SLC1A2: variants seen among roughly 807,000 people sequenced by gnomAD.
SLC1A2 encodes the protein solute carrier family 1 member 2, also known as excitatory amino acid transporter 2.
A neutral mutation model predicts 48.8 loss-of-function variants in SLC1A2; 15 were observed. The observed-to-expected ratio is 0.31, with a 90% confidence interval of 0.21 to 0.47. The LOEUF (loss-of-function observed/expected upper bound fraction) is 0.47. SLC1A2 is among the 20% of genes least tolerant of loss of function. The probability of loss-of-function intolerance (pLI) is 0.99; values close to 1 mark genes in which losing one functional copy is unlikely to be tolerated. For synonymous variants in SLC1A2, 279 were observed against 272.6 expected, an observed-to-expected ratio of 1.02 and a Z score of -0.23; for missense variants, 502 against 730.5, an observed-to-expected ratio of 0.69 and a Z score of 3.61.
At chr11:35,389,796 A>G (rs149291519) in intron 1 of SLC1A2, among the ~76,000 whole-genome samples, 1 of 151,882 alleles carries the variant, frequency 6.6e-6, no homozygotes, top group Non-Finnish European at 1.5e-5. Context: ...ATTTTCTTGT[A>G]GACACCAGGT....
chr11:35,356,308 G>T (rs1044108502), intron 1 of SLC1A2, among the ~76,000 whole-genome samples: 1 of 152,176 alleles, frequency 6.6e-6, no homozygotes, highest in African/African-American at 2.4e-5. Flanking sequence ...TTATGGGCAG[G>T]TGTGTGTTTG....
chr11:35,256,044 G>C lies in SLC1A2; in HGVS notation c.*4850C>G, dbSNP rs746274586. 4 of 152,180 alleles carry C rather than the reference G, an allele frequency of 2.6e-5. No homozygotes were observed. The highest frequency in any genetic ancestry group is 5.9e-5 in the Non-Finnish European group (4 of 68,040). 9.4% of individuals were successfully genotyped at this position (152,180 alleles called of 1,614,324 possible). On this transcript the variant is annotated 3_prime_UTR_variant, in exon 11 of 11. Transcript: ENST00000278379. ...CAAAGCAGAGATCATAATACATTGG[G>C]CTCATAGGGCTGGAAGGGGATTTTA...
chr11:35,278,876 G>A (rs1226825833), intron 9 of SLC1A2, among the ~76,000 whole-genome samples: 1 of 151,976 alleles, frequency 6.6e-6, no homozygotes, highest in African/African-American at 2.4e-5. Flanking sequence ...AAAATTAGCC[G>A]GGTGTGGTGG....
At chr11:35,343,805 G>T (rs11033083) in intron 1 of SLC1A2, among the ~76,000 whole-genome samples, 15 of 151,448 alleles carry the variant, frequency 9.9e-5, no homozygotes, top group South Asian at 2.1e-4. Flanking sequence ...CACACACAGA[G>T]GCACACACAC....
At chr11:35,356,312 G>A (rs1853459785) in intron 1 of SLC1A2, among the ~76,000 whole-genome samples, 1 of 152,180 alleles carries the variant, frequency 6.6e-6, no homozygotes, top group South Asian at 2.1e-4. Flanking sequence ...GGGCAGGTGT[G>A]TGTTTGTTCT....
chr11:35,260,914 G>A lies in SLC1A2; in HGVS notation c.1705C>T (p.Pro569Ser), dbSNP rs1950384151. 2 of 1,613,264 alleles carry A rather than the reference G, an allele frequency of 1.2e-6. 1 individual carries two copies. The highest frequency in any genetic ancestry group is 2.2e-5 in the South Asian group (2 of 91,064). Residue 569 changes from proline (P) to serine (S), a missense_variant, in exon 11 of 11, where the codon CCT (proline) becomes TCT (serine). This residue lies in a region of SLC1A2 where 102 missense variants were observed against 107.2 expected (regional missense o/e 0.95). Coordinates refer to ENST00000278379, the MANE Select transcript of SLC1A2 (RefSeq NM_004171.4). ...KSADCSVEEEPWKREK is the reference protein window; with the variant it reads ...KSADCSVEEESWKREK ...TATCCTTATTTCTCACGTTTCCAAG[G>A]TTCTTCCTCAACACTGCAGTCGGCT...
At chr11:35,275,268 G>T (rs1043886354) in intron 9 of SLC1A2, among the ~76,000 whole-genome samples, 1 of 152,214 alleles carries the variant, frequency 6.6e-6, no homozygotes, top group African/African-American at 2.4e-5. Context: ...GCCCAGAAAA[G>T]ATCTCACTAG....
At chr11:35,313,949 C>T (rs1190530529) in intron 3 of SLC1A2, among the ~76,000 whole-genome samples, 1 of 152,200 alleles carries the variant, frequency 6.6e-6, no homozygotes, top group Non-Finnish European at 1.5e-5. Context: ...GGAACAACTT[C>T]TCCAGATCAC....
intron 1 of SLC1A2, among the ~76,000 whole-genome samples, chr11:35,354,319 G>T (rs752890626): frequency 4.6e-5 from 7 of 151,974 alleles, no homozygotes; most frequent in African/African-American, 9.7e-5. Context: ...AATTAGCCAG[G>T]CATGATGGTG....
chr11:35,333,824 CTAATTTTT>C (rs1852514885), intron 1 of SLC1A2, among the ~76,000 whole-genome samples: 1 of 121,406 alleles, frequency 8.2e-6, no homozygotes, highest in Non-Finnish European at 1.7e-5. Flanking sequence ...ACCATGCCAG[CTAATTTTT>C]TTTTTTTTTT....
intron 6 of SLC1A2, among the ~76,000 whole-genome samples, chr11:35,294,090 A>T (rs535798558): frequency 6.6e-6 from 1 of 152,302 alleles, no homozygotes; most frequent in East Asian, 1.9e-4. Context: ...CTGTTTTCAC[A>T]CATGTACCCC....
rs114953578 is a variant in SLC1A2, at chr11:35,300,620, G to A, written c.857+899C>T. Among the ~76,000 whole-genome samples, 1,327 of 152,338 alleles carry A rather than the reference G, an allele frequency of 8.7e-3. 8 individuals are homozygous for A. The highest frequency in any genetic ancestry group is 0.031 in the African/African-American group (1,269 of 41,578). On this transcript the variant is annotated intron_variant, in intron 6 of 10. Transcript: ENST00000278379. ...GACTTGCCAGCCTCCAGAAGGGTGA[G>A]CAATAAATTCCTATTGTTTATAAAT...
rs116776036 is a variant in SLC1A2 at position 35,306,257 on chromosome 11, G to A, written c.562-15C>T. On this transcript the variant is annotated splice_polypyrimidine_tract_variant and intron_variant, in intron 4 of 10. Coordinates refer to ENST00000278379, the MANE Select transcript of SLC1A2 (RefSeq NM_004171.4). ...ACTGTTTGAATCTAACAGAGTGAGG[G>A]AAAAAAGGCATAGAGCTGAGATTTG... 2,233 of 1,594,820 alleles carry A rather than the reference G, an allele frequency of 1.4e-3. 11 individuals are homozygous for A. In the African/African-American group the frequency reaches 0.018, roughly 13 times the overall value.
intron 6 of SLC1A2, among the ~76,000 whole-genome samples, chr11:35,300,545 C>T (rs1409514531): frequency 2.6e-5 from 4 of 152,168 alleles, no homozygotes; most frequent in South Asian, 4.1e-4. Flanking sequence ...GTGCCAACTA[C>T]GAGGAATAGG....
chr11:35,367,927 A>G (rs1231868653), intron 1 of SLC1A2, among the ~76,000 whole-genome samples: 2 of 152,228 alleles, frequency 1.3e-5, no homozygotes, highest in African/African-American at 4.8e-5. Context: ...ATATGACATA[A>G]AACCATTTTT....
intron 10 of SLC1A2, among the ~76,000 whole-genome samples, chr11:35,263,808 A>G (rs1328586959): frequency 2.0e-5 from 3 of 152,246 alleles, no homozygotes; most frequent in Admixed American, 1.3e-4. Flanking sequence ...TTATGGCTTT[A>G]TAGATAATAG....
intron 9 of SLC1A2, among the ~76,000 whole-genome samples, chr11:35,275,647 G>T (rs1424805600): frequency 6.6e-6 from 1 of 152,254 alleles, no homozygotes; most frequent in Non-Finnish European, 1.5e-5. Flanking sequence ...TTAGAGGGCA[G>T]TAATGAGGCT....
Position 35,292,064 on chromosome 11 carries a change from G to A in SLC1A2, c.1091+223C>T, listed in dbSNP as rs144854955. The A allele has an allele frequency of 8.6e-4, 438 of 511,224 alleles. 1 individual carries two copies. In the East Asian group the frequency reaches 0.013, roughly 15 times the overall value. The allele number at this position is 511,224 out of a possible 1,614,324, so 31.7% of individuals were successfully genotyped here. A position where few individuals can be genotyped will look rare whatever the true frequency, so the allele number is the denominator to read the frequency against. On this transcript the variant is annotated intron_variant, in intron 7 of 10. Coordinates refer to ENST00000278379, the MANE Select transcript of SLC1A2 (RefSeq NM_004171.4). ...TATCTGAAAAATTTAATGTGAGATC[G>A]TATTTCCAATATAGTTGCAAACCAG... is the stretch of plus-strand genomic sequence containing the variant.
Position 35,260,927 on chromosome 11 carries a change from A to C in SLC1A2, c.1692T>G (p.Ser564Arg). 6.2e-7 allele frequency: 1 copy of C among 1,613,876 alleles called. No individual in the cohort carries two copies. The highest frequency in any genetic ancestry group is 1.3e-5 in the African/African-American group (1 of 75,040). The part of the protein sequence containing the change: ...LAANGKSADC[S>R]VEEEPWKREK ...CACGTTTCCAAGGTTCTTCCTCAAC[A>C]CTGCAGTCGGCTGACTTTCCATTGG... Residue 564 changes from serine to arginine, a missense_variant, in exon 11 of 11, where the codon AGT becomes AGG. Ser to Arg is a moderately radical substitution (Grantham distance 110). Around this residue, in one of 4 missense-constraint regions of SLC1A2, gnomAD observed 102 missense variants for 107.2 expected, o/e 0.95. Transcript: ENST00000278379.
Sources: allele counts gnomAD v4.1 joint callset (sites outside exome capture counted in the v4.1 genomes callset), GRCh38; gene constraint gnomAD v4.1.1; regional missense constraint gnomAD v4.1.1; transcripts MANE v1.5; gene names NCBI Gene and HGNC (gene_info 2026-07-23, HGNC 2026-07-21).